RFTN2: variants seen among roughly 807,000 people sequenced by gnomAD.
RFTN2 encodes the protein raftlin family member 2, also known as raftlin-2.
Under a neutral mutation model 52.7 loss-of-function variants are expected in RFTN2, and 34 were observed. The observed-to-expected ratio is 0.64, with a 90% CI of 0.49 to 0.86. RFTN2 has a LOEUF of 0.86. Ranked by LOEUF, RFTN2 falls within the 40% of genes least tolerant of loss-of-function variation. The pLI, the probability that RFTN2 is intolerant of heterozygous loss-of-function variation, is 0.00. For synonymous variants in RFTN2, 203 were observed against 217.7 expected (o/e 0.93, Z 0.59); for missense variants, 536 against 600.1 (o/e 0.89, Z 1.12).
Position 197,646,628 on chromosome 2 carries a change from G to T in RFTN2, c.178C>A (p.Leu60Met). ...NPEVIKINSI[L>M]DIVTKVENYY... ...TTTTCCACTTTTGTTACTATATCCA[G>T]AATTGAATTTATCTTGATGACTTCT... The change falls in exon 2 of 9, where the codon CTG becomes ATG. Residue 60 changes from leucine to methionine, a missense_variant. Leu to Met is a conservative substitution (Grantham distance 15, BLOSUM62 2). Coordinates refer to ENST00000295049, the MANE Select transcript of RFTN2 (RefSeq NM_144629.3). 1.2e-6 allele frequency: 2 copies of T among 1,613,030 alleles called. No homozygotes were observed. The highest frequency in any genetic ancestry group is 1.1e-5 in the South Asian group (1 of 91,020).
intron 3 of RFTN2, 76 bp from the exon 4 acceptor site, chr2:197,634,073 G>C: frequency 1.6e-6 from 2 of 1,254,656 alleles, no homozygotes; most frequent in Non-Finnish European, 2.2e-6. Context: ...TAACCTTTAG[G>C]CTTATTGAGG....
intron 1 of RFTN2, among the ~76,000 whole-genome samples, chr2:197,671,679 G>C (rs1559370749): frequency 6.6e-6 from 1 of 152,178 alleles, no homozygotes; most frequent in African/African-American, 2.4e-5. Context: ...TAATGGTGAT[G>C]ATGAAAGACA....
chr2:197,671,565 C>T (rs971225322), intron 1 of RFTN2, among the ~76,000 whole-genome samples: 1 of 152,196 alleles, frequency 6.6e-6, no homozygotes, highest in Non-Finnish European at 1.5e-5. Context: ...TGACCTTGTC[C>T]AGTTTGACCG....
At chr2:197,647,149 CATAGGAGATACA>C (rs770067959) in intron 1 of RFTN2, among the ~76,000 whole-genome samples, 41 of 152,088 alleles carry the variant, frequency 2.7e-4, no homozygotes, top group Admixed American at 3.9e-4. Flanking sequence ...TGAAGACATA[CATAGGAGATACA>C]ATAATTTGAA....
chr2:197,665,517 C>CTTTTTT, intron 1 of RFTN2, among the ~76,000 whole-genome samples: 5 of 41,506 alleles, frequency 1.2e-4, no homozygotes, highest in African/African-American at 4.2e-4. Context: ...TGTACCTTGC[C>CTTTTTT]TTTTTTTTTT....
chr2:197,629,135 C>T (rs574928761), intron 5 of RFTN2, among the ~76,000 whole-genome samples: 1 of 152,304 alleles, frequency 6.6e-6, no homozygotes, highest in African/African-American at 2.4e-5. Flanking sequence ...GCTATAAAGA[C>T]ACACGTACAC....
intron 6 of RFTN2, 66 bp downstream of exon 6, chr2:197,617,734 C>CATAT: frequency 3.1e-6 from 2 of 644,144 alleles, no homozygotes; most frequent in Non-Finnish European, 4.2e-6. Flanking sequence ...CCAAACCAAA[C>CATAT]ATATATATAT....
chr2:197,592,962 T>A (rs778877975), intron 8 of RFTN2, among the ~76,000 whole-genome samples: 7 of 152,226 alleles, frequency 4.6e-5, no homozygotes, highest in Non-Finnish European at 1.0e-4. Context: ...GTTATAGCTG[T>A]TAGACACTTT....
chr2:197,601,781 A>C (rs115174917), intron 7 of RFTN2, among the ~76,000 whole-genome samples: 2,346 of 152,334 alleles, frequency 0.015, 27 homozygotes, highest in Non-Finnish European at 0.022. Context: ...ATAATGAAGA[A>C]AATAAACACA....
At chr2:197,620,905 G>T (rs2088253048) in intron 5 of RFTN2, among the ~76,000 whole-genome samples, 1 of 152,226 alleles carries the variant, frequency 6.6e-6, no homozygotes, top group Non-Finnish European at 1.5e-5. Context: ...GGGGGAGATT[G>T]CGGTGAGCCG....
At chr2:197,630,105 C>CA (rs1236255632) in intron 5 of RFTN2, among the ~76,000 whole-genome samples, 2 of 152,140 alleles carry the variant, frequency 1.3e-5, no homozygotes, top group Non-Finnish European at 2.9e-5. Context: ...CTGGGTGCTC[C>CA]AATTCGTTTG....
rs2088172775 is a variant in RFTN2, at chr2:197,617,886, TA to T, written c.963del (p.Phe321LeufsTer22). ...EHLPKSLEGF[F>X]IYEEEGSGVP... Reference sequence around the variant, plus strand: ...ACTCCAGAACCTTCTTCTTCATAGATAAAAAATCCTTCCAAAGATTTAGGCA... The same window carrying T: ...ACTCCAGAACCTTCTTCTTCATAGATAAAAATCCTTCCAAAGATTTAGGCA... On this transcript the variant is annotated frameshift_variant, in exon 6 of 9. Coordinates refer to ENST00000295049, the MANE Select transcript of RFTN2 (RefSeq NM_144629.3). LOFTEE classifies it high-confidence loss of function. 6.8e-6 allele frequency: 11 copies of T among 1,610,018 alleles called. No homozygotes were observed. The highest frequency in any genetic ancestry group is 9.3e-6 in the Non-Finnish European group (11 of 1,177,596).
intron 8 of RFTN2, among the ~76,000 whole-genome samples, chr2:197,588,964 C>G (rs2087645473): frequency 6.6e-6 from 1 of 152,112 alleles, no homozygotes; most frequent in African/African-American, 2.4e-5. Flanking sequence ...TGGCTCACGC[C>G]TGTAATCCCA....
chr2:197,573,041 G>A (rs534768685), intron 8 of RFTN2, among the ~76,000 whole-genome samples: 6 of 151,786 alleles, frequency 4.0e-5, no homozygotes, highest in South Asian at 4.2e-4. Flanking sequence ...ACACAGTCTC[G>A]GGTATGTCTT....
At chr2:197,593,784 G>A (rs1037651470) in intron 8 of RFTN2, among the ~76,000 whole-genome samples, 2 of 151,368 alleles carry the variant, frequency 1.3e-5, no homozygotes, top group Non-Finnish European at 2.9e-5. Flanking sequence ...CTACTCGGGA[G>A]GCTGAGGCAG....
chr2:197,619,070 G>A (rs1279503876), intron 5 of RFTN2, among the ~76,000 whole-genome samples: 1 of 149,864 alleles, frequency 6.7e-6, no homozygotes, highest in Non-Finnish European at 1.5e-5. Context: ...GCCTCTGCCC[G>A]GCCGCCCCTA....
At chr2:197,607,475 T>TATAATA (rs67699316) in intron 7 of RFTN2, among the ~76,000 whole-genome samples, 19,096 of 147,364 alleles carry the variant, frequency 0.13, 1,284 homozygotes, top group East Asian at 0.22. Context: ...AAACTTGAAG[T>TATAATA]ATAATAATAA....
At chr2:197,589,024 C>T (rs989734359) in intron 8 of RFTN2, among the ~76,000 whole-genome samples, 1 of 151,924 alleles carries the variant, frequency 6.6e-6, no homozygotes. Context: ...GAGTTTGAAC[C>T]AGCCTGGCCA....
rs78217574 is a variant in RFTN2, at chr2:197,614,287, C to T, written c.1154+1589G>A. Among the ~76,000 whole-genome samples the T allele has an allele frequency of 9.4e-3, 1,434 of 152,116 alleles. 33 individuals are homozygous for T. The highest frequency in any genetic ancestry group is 0.032 in the African/African-American group (1,317 of 41,464). Reference sequence around the variant, plus strand: ...TTTTAAAATTTAAAATTCAGAATGGCGTGGCAGAGATAAGAGAAGGAGCAT... The same window carrying T: ...TTTTAAAATTTAAAATTCAGAATGGTGTGGCAGAGATAAGAGAAGGAGCAT... On this transcript the variant is annotated intron_variant, in intron 7 of 8. Transcript: ENST00000295049.
Sources: allele counts gnomAD v4.1 joint callset (sites outside exome capture counted in the v4.1 genomes callset), GRCh38; gene constraint gnomAD v4.1.1; transcripts MANE v1.5; gene names NCBI Gene and HGNC (gene_info 2026-07-23, HGNC 2026-07-21).